VEGFC: variants seen among roughly 807,000 people sequenced by gnomAD.
The protein encoded by VEGFC is FLT4 ligand DHM.
Under a neutral mutation model 46.1 loss-of-function variants are expected in VEGFC, and 12 were observed. That is an observed-to-expected ratio of 0.26 (90% CI 0.17 to 0.42). The LOEUF is 0.42. Ranked by LOEUF, VEGFC falls within the 10% of genes least tolerant of loss-of-function variation. The pLI is 1.00. For synonymous variants in VEGFC, 232 were observed against 195.5 expected (o/e 1.19, Z -1.56); for missense variants, 488 against 529.4 (o/e 0.92, Z 0.77).
intron 4 of VEGFC, among the ~76,000 whole-genome samples, chr4:176,700,434 A>G (rs1734407953): frequency 6.6e-6 from 1 of 151,994 alleles, no homozygotes; most frequent in Non-Finnish European, 1.5e-5. Flanking sequence ...AAGGGTGTTT[A>G]TATGTTTAAT....
chr4:176,784,106 C>T (rs113990608), intron 1 of VEGFC, among the ~76,000 whole-genome samples: 21,349 of 142,648 alleles, frequency 0.15, 2,021 homozygotes, highest in South Asian at 0.28. Context: ...ACTCTGTTGC[C>T]CAGGCTGGAG....
At chr4:176,727,646 C>G in intron 3 of VEGFC, 132 bp downstream of exon 3, 1 of 743,666 alleles carries the variant, frequency 1.3e-6, no homozygotes, top group Non-Finnish European at 1.8e-6. Context: ...CTTCATTCCC[C>G]TAAAGAAAAT....
At chr4:176,770,662 G>A (rs1735705780) in intron 1 of VEGFC, among the ~76,000 whole-genome samples, 1 of 151,974 alleles carries the variant, frequency 6.6e-6, no homozygotes, top group Non-Finnish European at 1.5e-5. Context: ...AGTGTCCTCT[G>A]GATCACTGCC....
intron 1 of VEGFC, among the ~76,000 whole-genome samples, chr4:176,731,823 T>G (rs1734970041): frequency 6.6e-6 from 1 of 152,008 alleles, no homozygotes; most frequent in African/African-American, 2.4e-5. Context: ...CAATTAAGTA[T>G]TATTTGAAGT....
At chr4:176,763,531 C>T (rs1735566909) in intron 1 of VEGFC, among the ~76,000 whole-genome samples, 3 of 152,050 alleles carry the variant, frequency 2.0e-5, no homozygotes, top group Non-Finnish European at 2.9e-5. Flanking sequence ...CTCAATGGGA[C>T]TGGTAGTATT....
At chr4:176,775,608 TA>T (rs1234282457) in intron 1 of VEGFC, among the ~76,000 whole-genome samples, 2 of 152,342 alleles carry the variant, frequency 1.3e-5, no homozygotes, top group Non-Finnish European at 2.9e-5. Context: ...CCAGCTGTTT[TA>T]AATTTAAATT....
chr4:176,780,251 C>G (rs191977620), intron 1 of VEGFC, among the ~76,000 whole-genome samples: 1 of 151,782 alleles, frequency 6.6e-6, no homozygotes. Flanking sequence ...CATGGTGGTG[C>G]GTGCCTGTAA....
Position 176,684,097 on chromosome 4 carries a change from T to C in VEGFC, c.1146-57A>G, listed in dbSNP as rs368017388. ...AAAGATCAAGGCAATGGATTCATCA[T>C]GCTACCAAGGTATTTCTGTGTTTTT... On this transcript the variant is annotated intron_variant, in intron 6 of 6. Coordinates refer to ENST00000618562, the MANE Select transcript of VEGFC (RefSeq NM_005429.5). The C allele has an allele frequency of 1.3e-4, 163 of 1,240,388 alleles. No homozygotes were observed. In the African/African-American group the frequency reaches 1.5e-3, roughly 11 times the overall value. 76.8% of individuals were successfully genotyped at this position (1,240,388 alleles called of 1,614,324 possible).
At chr4:176,685,970 T>C (rs1734034684) in intron 6 of VEGFC, among the ~76,000 whole-genome samples, 1 of 152,042 alleles carries the variant, frequency 6.6e-6, no homozygotes, top group African/African-American at 2.4e-5. Context: ...TTATATACTG[T>C]GGAAAAATAA....
chr4:176,723,755 T>TCATGTCATGGGGG (rs1560946239), intron 3 of VEGFC, among the ~76,000 whole-genome samples: 3 of 150,794 alleles, frequency 2.0e-5, no homozygotes, highest in African/African-American at 2.4e-5. Context: ...ATAGGTAAAC[T>TCATGTCATGGGGG]TTTATTTTAG....
intron 1 of VEGFC, among the ~76,000 whole-genome samples, chr4:176,749,468 G>A (rs1052067354): frequency 4.6e-5 from 7 of 151,530 alleles, no homozygotes; most frequent in African/African-American, 1.5e-4. Context: ...ACTATAAAAT[G>A]TGTACTTTAT....
chr4:176,724,912 GA>G (rs1734847270), intron 3 of VEGFC, among the ~76,000 whole-genome samples: 1 of 152,158 alleles, frequency 6.6e-6, no homozygotes, highest in Non-Finnish European at 1.5e-5. Context: ...CAGAGGCTGG[GA>G]GGGGCAAGGG....
At chr4:176,684,447 ATTAAACCCAGCCATG>A (rs1734001603) in intron 6 of VEGFC, among the ~76,000 whole-genome samples, 1 of 152,146 alleles carries the variant, frequency 6.6e-6, no homozygotes. Flanking sequence ...CTTCCAGGCA[ATTAAACCCAGCCATG>A]TTGGCAGAAC....
At chr4:176,723,261 T>C (rs1229333878) in intron 3 of VEGFC, among the ~76,000 whole-genome samples, 2 of 152,164 alleles carry the variant, frequency 1.3e-5, no homozygotes, top group African/African-American at 2.4e-5. Flanking sequence ...TATCTAGATA[T>C]AGATATAGAT....
chr4:176,725,701 C>T (rs537963972), intron 3 of VEGFC, among the ~76,000 whole-genome samples: 7 of 151,946 alleles, frequency 4.6e-5, no homozygotes, highest in Non-Finnish European at 7.4e-5. Context: ...AAATCATTAA[C>T]GGCATTCCAA....
At chr4:176,788,238 C>A (rs1736035418) in intron 1 of VEGFC, among the ~76,000 whole-genome samples, 1 of 152,320 alleles carries the variant, frequency 6.6e-6, no homozygotes, top group East Asian at 1.9e-4. Flanking sequence ...TGGATTAGGT[C>A]ATTTATAATT....
rs867980872 is a variant in VEGFC at position 176,692,257 on chromosome 4, A to G, written c.705-4330T>C. Among the ~76,000 whole-genome samples, 27 of 138,270 alleles carry G rather than the reference A, an allele frequency of 2.0e-4. 1 individual carries two copies. The highest frequency in any genetic ancestry group is 4.3e-4 in the South Asian group (2 of 4,610). The allele number at this position is 138,270 out of a possible 152,430, so 90.7% of individuals were successfully genotyped here. ...AAAATACAAAAAATTAGCCGGGCGTAGTGGCGGGCGCCTGTAGTCCCAGCT... is the reference window on the plus strand; with the variant it reads ...AAAATACAAAAAATTAGCCGGGCGTGGTGGCGGGCGCCTGTAGTCCCAGCT... On this transcript the variant is annotated intron_variant, in intron 4 of 6. Coordinates refer to ENST00000618562, the MANE Select transcript of VEGFC (RefSeq NM_005429.5).
chr4:176,705,768 A>G (rs1202711312), intron 4 of VEGFC: 1 of 152,228 alleles, frequency 6.6e-6, no homozygotes, highest in Non-Finnish European at 1.5e-5. Flanking sequence ...CTATTCTACA[A>G]TATCAGATTA....
At chr4:176,786,914 T>C (rs1736010454) in intron 1 of VEGFC, among the ~76,000 whole-genome samples, 1 of 152,168 alleles carries the variant, frequency 6.6e-6, no homozygotes, top group Non-Finnish European at 1.5e-5. Flanking sequence ...GGAACAGGGC[T>C]ACAATCCATC....
Sources: gnomAD v4.1 joint callset for allele counts (sites outside exome capture counted in the v4.1 genomes callset) on GRCh38, gnomAD v4.1.1 for gene constraint, MANE v1.5 for transcripts, NCBI Gene and HGNC (gene_info 2026-07-23, HGNC 2026-07-21) for gene names.